GATC: variants seen among roughly 807,000 people sequenced by gnomAD.
GATC encodes the protein glutamyl-tRNA amidotransferase subunit C, also known as glutamyl-tRNA(Gln) amidotransferase subunit C, mitochondrial.
GATC carries 11 observed loss-of-function variants against 14.4 expected under a neutral mutation model. That is an observed-to-expected ratio of 0.77 (90% CI 0.48 to 1.27). The LOEUF (loss-of-function observed/expected upper bound fraction) is 1.27. Ranked by LOEUF, GATC falls within the 50% of genes most tolerant of loss-of-function variation. The probability of loss-of-function intolerance (pLI) is 0.00; values close to 1 mark genes in which losing one functional copy is unlikely to be tolerated. For missense variants in GATC, 204 were observed against 183.0 expected (o/e 1.11, Z -0.66); for synonymous variants, 76 against 79.3 (o/e 0.96, Z 0.22).
Position 120,454,958 on chromosome 12 carries a change from G to A in GATC, c.255-2118G>A, listed in dbSNP as rs567504192. 1.4e-4 allele frequency: 62 copies of A among 449,484 alleles called. 1 individual carries two copies. The highest frequency in any genetic ancestry group is 8.1e-4 in the South Asian group (52 of 63,890). 27.8% of individuals were successfully genotyped at this position (449,484 alleles called of 1,614,324 possible). A position where few individuals can be genotyped will look rare whatever the true frequency, so the allele number is the denominator to read the frequency against. On this transcript the variant is annotated intron_variant, in intron 2 of 3. Transcript: ENST00000551765. The stretch of plus-strand genomic sequence containing the variant: ...GTTGGAGTGCAGTGGTGTGATCTCC[G>A]CTCACTACAAACTCTGCTTCCTACA...
intron 2 of GATC, among the ~76,000 whole-genome samples, chr12:120,452,546 TGGCCA>T (rs1878079917): frequency 2.0e-5 from 3 of 152,160 alleles, no homozygotes; most frequent in Admixed American, 1.3e-4. Flanking sequence ...TGTACCCCTA[TGGCCA>T]GCTAATTTTT....
At chr12:120,448,180 C>T (rs1488075537) in intron 2 of GATC, among the ~76,000 whole-genome samples, 2 of 152,100 alleles carry the variant, frequency 1.3e-5, no homozygotes, top group African/African-American at 2.4e-5. Flanking sequence ...CCTCAGCCTC[C>T]CAAATAGCTG....
chr12:120,460,038 G>A lies in GATC; in HGVS notation c.*79G>A. On this transcript the variant is annotated 3_prime_UTR_variant, in exon 4 of 4. Coordinates refer to ENST00000551765, the MANE Select transcript of GATC (RefSeq NM_176818.3). The stretch of plus-strand genomic sequence containing the variant: ...GTATTTTTTTACTGTGAATACTAAT[G>A]TTCCTGCTTTTTTCAGTCCCCTGAA... 5 of 1,081,160 alleles carry A rather than the reference G, an allele frequency of 4.6e-6. No homozygotes were observed. The highest frequency in any genetic ancestry group is 3.2e-5 in the African/African-American group (2 of 62,940). 67.0% of individuals were successfully genotyped at this position (1,081,160 alleles called of 1,614,324 possible). A position where few individuals can be genotyped will look rare whatever the true frequency, so the allele number is the denominator to read the frequency against.
chr12:120,457,090 G>C lies in GATC; in HGVS notation c.269G>C (p.Arg90Thr). Residue 90 changes from arginine (R) to threonine (T), a missense_variant, in exon 3 of 4, where the codon AGA becomes ACA. Arg to Thr is a moderately conservative substitution (Grantham distance 71). Transcript: ENST00000551765. Reference sequence around the variant, plus strand: ...GGGTTTTGTAGATGTCTATACCTGAGATCCGACAATGTGGTAGAAGGCAAC... The same window carrying C: ...GGGTTTTGTAGATGTCTATACCTGACATCCGACAATGTGGTAGAAGGCAAC... ...SVLEDRCLYL[R>T]SDNVVEGNCA... 6.2e-7 allele frequency: 1 copy of C among 1,613,330 alleles called. No individual in the cohort carries two copies. The highest frequency in any genetic ancestry group is 8.5e-7 in the Non-Finnish European group (1 of 1,179,338).
At chr12:120,457,003 T>TC in intron 2 of GATC, 73 bp from the exon 3 acceptor site, 1 of 923,316 alleles carries the variant, frequency 1.1e-6, no homozygotes, top group Middle Eastern at 2.1e-4. Context: ...GTTCTCTCCT[T>TC]CTTGCCCCTC....
In GATC at chr12:120,459,985, T is replaced by C; in HGVS notation, c.*26T>C. The stretch of plus-strand genomic sequence containing the variant: ...GTAGCTCATTCTGGAAAGGGGGTAC[T>C]CTGTGAACATGTGGAAGCATAATGA... On this transcript the variant is annotated 3_prime_UTR_variant, in exon 4 of 4. Transcript: ENST00000551765. The C allele has an allele frequency of 6.4e-7, 1 of 1,572,826 alleles. No individual in the cohort carries two copies. The highest frequency in any genetic ancestry group is 1.1e-5 in the South Asian group (1 of 89,892).
At chr12:120,455,010 C>T (rs572428605) in intron 2 of GATC, 1 of 451,434 alleles carries the variant, frequency 2.2e-6, no homozygotes, top group South Asian at 1.6e-5. Context: ...GCCTCAGCCT[C>T]CCAGGTAGCT....
At chr12:120,447,201 G>T (rs530904972) in intron 2 of GATC, among the ~76,000 whole-genome samples, 1 of 151,094 alleles carries the variant, frequency 6.6e-6, no homozygotes, top group Non-Finnish European at 1.5e-5. Flanking sequence ...TCAGCCTCCC[G>T]AGTAGCTGGG....
Position 120,446,713 on chromosome 12 carries a change from G to C in GATC, c.138G>C (p.Val46=). ...AGCACCTGGAGCGTCTAGCGCTTGT[G>C]GACTTCGGCAGCCGCGAGGCAGTGG... The part of the protein sequence containing the change: ...VIEHLERLAL[V]DFGSREAVAR... The change falls in exon 2 of 4, where the codon GTG becomes GTC. Residue 46 remains valine (V), a synonymous_variant. Coordinates refer to ENST00000551765, the MANE Select transcript of GATC (RefSeq NM_176818.3). 1 of 1,613,882 alleles carries C rather than the reference G, an allele frequency of 6.2e-7. No individual in the cohort carries two copies. Among genetic ancestry groups the C allele is most frequent in the Non-Finnish European group, 8.5e-7 (1 of 1,180,018 alleles).
At chr12:120,448,330 A>AG (rs1389389820) in intron 2 of GATC, among the ~76,000 whole-genome samples, 20 of 53,092 alleles carry the variant, frequency 3.8e-4, no homozygotes, top group Non-Finnish European at 5.6e-4. Flanking sequence ...TCCTCAAGAA[A>AG]GTTTTTTTTT....
At chr12:120,459,355 C>CCTTCTAGTCCT (rs1344360201) in intron 3 of GATC, among the ~76,000 whole-genome samples, 1 of 152,176 alleles carries the variant, frequency 6.6e-6, no homozygotes, top group Non-Finnish European at 1.5e-5. Context: ...GTCAGTGTTT[C>CCTTCTAGTCCT]CTTCTAGTCC....
intron 3 of GATC, among the ~76,000 whole-genome samples, chr12:120,459,335 T>A (rs1301692982): frequency 2.0e-5 from 3 of 152,242 alleles, no homozygotes; most frequent in Non-Finnish European, 4.4e-5. Context: ...TGGGACCACC[T>A]GAGTTCATGG....
Position 120,462,216 on chromosome 12 carries a change from A to G in GATC, c.*2257A>G. 6.5e-7 allele frequency: 1 copy of G among 1,545,340 alleles called. No individual in the cohort carries two copies. Among genetic ancestry groups the G allele is most frequent in the Non-Finnish European group, 8.8e-7 (1 of 1,140,478 alleles). ...AAAGGGGAAAAAAATCAGAGCCAGA[A>G]GAATAAGCAAACCAACATCTAACAA... is the stretch of plus-strand genomic sequence containing the variant. On this transcript the variant is annotated 3_prime_UTR_variant, in exon 4 of 4. Transcript: ENST00000551765.
chr12:120,452,189 A>G (rs549557946), intron 2 of GATC, among the ~76,000 whole-genome samples: 14 of 151,570 alleles, frequency 9.2e-5, no homozygotes, highest in African/African-American at 2.7e-4. Context: ...AATTATTTCA[A>G]TTTTCACATG....
chr12:120,448,572 G>A (rs554719086), intron 2 of GATC, among the ~76,000 whole-genome samples: 5 of 143,872 alleles, frequency 3.5e-5, no homozygotes, highest in Admixed American at 7.1e-5. Flanking sequence ...CAAGTGATCC[G>A]CCCATCTTCG....
chr12:120,454,848 T>C lies in GATC; in HGVS notation c.255-2228T>C, dbSNP rs1234871316. On this transcript the variant is annotated intron_variant, in intron 2 of 3. Transcript: ENST00000551765. ...AGTTTTCTTAAATGAATACAGTCCT[T>C]GTGTTATTCAAAAAAAAAAAAAAAT... The C allele has an allele frequency of 2.7e-5, 6 of 225,170 alleles. No individual in the cohort carries two copies. In the East Asian group the frequency reaches 5.0e-4, roughly 19 times the overall value. 13.9% of individuals were successfully genotyped at this position (225,170 alleles called of 1,614,324 possible).
chr12:120,455,922 G>A (rs186736985), intron 2 of GATC, among the ~76,000 whole-genome samples: 31 of 152,164 alleles, frequency 2.0e-4, no homozygotes, highest in South Asian at 6.2e-4. Context: ...TCCTGACCTC[G>A]TGATCCGCCC....
rs1878366459 is a variant in GATC, at chr12:120,462,247, G to A, written c.*2288G>A. ...AGCAAACCAACATCTAACAATAATAGTTAAGTATTGAGCACTTACTGTGTA... is the reference window on the plus strand; with the variant it reads ...AGCAAACCAACATCTAACAATAATAATTAAGTATTGAGCACTTACTGTGTA... On this transcript the variant is annotated 3_prime_UTR_variant, in exon 4 of 4. Coordinates refer to ENST00000551765, the MANE Select transcript of GATC (RefSeq NM_176818.3). 7.0e-7 allele frequency: 1 copy of A among 1,427,770 alleles called. No homozygotes were observed. Among genetic ancestry groups the A allele is most frequent in the South Asian group, 1.3e-5 (1 of 75,418 alleles). The allele number at this position is 1,427,770 out of a possible 1,614,324, so 88.4% of individuals were successfully genotyped here.
At chr12:120,449,266 GTTC>G (rs907205172) in intron 2 of GATC, among the ~76,000 whole-genome samples, 2 of 151,952 alleles carry the variant, frequency 1.3e-5, no homozygotes, top group African/African-American at 4.8e-5. Context: ...CTATACTTAG[GTTC>G]TCTACCTGTG....
Sources: gnomAD v4.1 joint callset for allele counts (sites outside exome capture counted in the v4.1 genomes callset) on GRCh38, gnomAD v4.1.1 for gene constraint, MANE v1.5 for transcripts, NCBI Gene and HGNC (gene_info 2026-07-23, HGNC 2026-07-21) for gene names.